The following OSBPL11 variants were observed in gnomAD, a reference collection of about 807,000 sequenced individuals.
OSBPL11 encodes the protein oxysterol-binding protein-related protein 11.
Under a neutral mutation model 84.4 loss-of-function variants are expected in OSBPL11, and 33 were observed. The ratio of observed to expected loss-of-function variants is 0.39; its 90% CI spans 0.30 to 0.52. The LOEUF (loss-of-function observed/expected upper bound fraction) is 0.52. Ranked by LOEUF, OSBPL11 falls within the 20% of genes least tolerant of loss-of-function variation. The pLI, the probability that OSBPL11 is intolerant of heterozygous loss-of-function variation, is 0.72. For synonymous variants in OSBPL11, 276 were observed against 310.2 expected (o/e 0.89, Z 1.16); for missense variants, 736 against 901.1 (o/e 0.82, Z 2.35).
chr3:125,589,342 C>CAAAAAAAAAAAAA (rs35267505), intron 1 of OSBPL11, among the ~76,000 whole-genome samples: 1 of 62,030 alleles, frequency 1.6e-5, no homozygotes, highest in Non-Finnish European at 3.4e-5. Flanking sequence ...AACTCCATCT[C>CAAAAAAAAAAAAA]AAAAAAAAAA....
chr3:125,546,424 A>T (rs1935816845), intron 10 of OSBPL11, among the ~76,000 whole-genome samples: 1 of 151,724 alleles, frequency 6.6e-6, no homozygotes, highest in African/African-American at 2.4e-5. Context: ...ACCTCTGCCT[A>T]CTGGGTTCAA....
At chr3:125,543,307 T>C (rs1455570034) in intron 10 of OSBPL11, among the ~76,000 whole-genome samples, 2 of 151,846 alleles carry the variant, frequency 1.3e-5, no homozygotes, top group African/African-American at 4.8e-5. Context: ...AATGTTTGTA[T>C]TTTTAGTAAA....
At chr3:125,573,465 T>C (rs1169956950) in intron 5 of OSBPL11, among the ~76,000 whole-genome samples, 2 of 152,286 alleles carry the variant, frequency 1.3e-5, no homozygotes, top group Non-Finnish European at 2.9e-5. Flanking sequence ...AACTGATAAG[T>C]AGTACTAATA....
intron 10 of OSBPL11, among the ~76,000 whole-genome samples, chr3:125,543,485 T>C (rs1481525907): frequency 6.6e-6 from 1 of 152,168 alleles, no homozygotes; most frequent in African/African-American, 2.4e-5. Context: ...TTGTTTTAAG[T>C]AAATTTTTAA....
intron 8 of OSBPL11, among the ~76,000 whole-genome samples, chr3:125,556,858 A>G (rs1935997493): frequency 6.6e-6 from 1 of 152,230 alleles, no homozygotes; most frequent in Non-Finnish European, 1.5e-5. Context: ...AGGACTATAA[A>G]TTAGAGGGGA....
chr3:125,558,093 C>CACAT (rs1198846812), intron 8 of OSBPL11, among the ~76,000 whole-genome samples: 1 of 152,202 alleles, frequency 6.6e-6, no homozygotes, highest in African/African-American at 2.4e-5. Flanking sequence ...CACACCCAGC[C>CACAT]ACATACAACT....
chr3:125,558,187 A>G (rs1047648195), intron 8 of OSBPL11, among the ~76,000 whole-genome samples: 1 of 152,254 alleles, frequency 6.6e-6, no homozygotes, highest in African/African-American at 2.4e-5. Flanking sequence ...CATGTGGATT[A>G]CTATCACAGC....
Position 125,538,499 on chromosome 3 carries a change from G to C in OSBPL11, c.1976C>G (p.Thr659Arg). The C allele has an allele frequency of 1.2e-6, 2 of 1,613,984 alleles. No individual in the cohort carries two copies. Among genetic ancestry groups the C allele is most frequent in the Non-Finnish European group, 1.7e-6 (2 of 1,179,978 alleles). The stretch of plus-strand genomic sequence containing the variant: ...CTCCAGAGGTCTCACTCTTTTCTTC[G>C]TCACTGCCAATTTAGTCAAGTCCAC... ...KYVDLTKLAVTKKRVRPLEKQ... is the reference protein window; with the variant it reads ...KYVDLTKLAVRKKRVRPLEKQ... The change falls in exon 11 of 13, where the codon ACG (threonine) becomes AGG (arginine). Residue 659 changes from threonine (T) to arginine (R), a missense_variant. Around this residue, in one of 3 missense-constraint regions of OSBPL11, gnomAD observed 579 missense variants for 717.6 expected, o/e 0.81. Coordinates refer to ENST00000296220, the MANE Select transcript of OSBPL11 (RefSeq NM_022776.5).
intron 10 of OSBPL11, among the ~76,000 whole-genome samples, chr3:125,546,167 G>T (rs1252172152): frequency 2.1e-4 from 29 of 135,066 alleles, no homozygotes; most frequent in South Asian, 9.2e-4. Flanking sequence ...CGTTTTTTTT[G>T]TGTGTGTGTG....
chr3:125,538,306 A>T, intron 11 of OSBPL11, 145 bp downstream of exon 11: 2 of 655,914 alleles, frequency 3.0e-6, no homozygotes, highest in Non-Finnish European at 5.1e-6. Flanking sequence ...CAAGGGGTTT[A>T]ACAACAGATC....
chr3:125,535,202 T>TTA (rs1159393734), intron 11 of OSBPL11, among the ~76,000 whole-genome samples: 1 of 151,698 alleles, frequency 6.6e-6, no homozygotes, highest in African/African-American at 2.4e-5. Context: ...AATAAGGTAA[T>TTA]ATTAGGAACT....
intron 5 of OSBPL11, among the ~76,000 whole-genome samples, chr3:125,572,014 C>G (rs1408724163): frequency 1.3e-5 from 2 of 152,252 alleles, no homozygotes; most frequent in Non-Finnish European, 2.9e-5. Context: ...CCCGTGAAAG[C>G]AGCCAGGAGG....
chr3:125,560,983 A>G (rs1347382436), intron 7 of OSBPL11, among the ~76,000 whole-genome samples: 1 of 151,164 alleles, frequency 6.6e-6, no homozygotes, highest in Non-Finnish European at 1.5e-5. Context: ...ACAGGTGCCC[A>G]CCACCATGCC....
At chr3:125,573,983 C>T (rs955481943) in intron 5 of OSBPL11, among the ~76,000 whole-genome samples, 1 of 151,734 alleles carries the variant, frequency 6.6e-6, no homozygotes, top group Non-Finnish European at 1.5e-5. Context: ...CAAACTCACA[C>T]CAATTTATAT....
intron 8 of OSBPL11, among the ~76,000 whole-genome samples, chr3:125,557,230 G>C (rs1936004646): frequency 6.6e-6 from 1 of 152,182 alleles, no homozygotes; most frequent in Non-Finnish European, 1.5e-5. Flanking sequence ...ATGAAGGCTA[G>C]GACCATGGTT....
At chr3:125,553,248 G>A (rs1198900150) in intron 8 of OSBPL11, among the ~76,000 whole-genome samples, 1 of 152,186 alleles carries the variant, frequency 6.6e-6, no homozygotes, top group East Asian at 1.9e-4. Flanking sequence ...CCAGGGAAAT[G>A]GTGTTAAAAC....
intron 5 of OSBPL11, among the ~76,000 whole-genome samples, chr3:125,569,650 T>C (rs544328572): frequency 5.9e-5 from 9 of 152,318 alleles, no homozygotes; most frequent in African/African-American, 2.2e-4. Context: ...CCAAGAGATA[T>C]ATACATGCAT....
chr3:125,565,930 T>C lies in OSBPL11; in HGVS notation c.868+1464A>G, dbSNP rs190120718. 3.9e-4 allele frequency among the ~76,000 whole-genome samples: 60 copies of C among 152,274 alleles called. 1 individual carries two copies. The highest frequency in any genetic ancestry group is 2.0e-4 in the Admixed American group (3 of 15,284). ...TCAGTCTTTGCAGCTTCTCTGTGCC[T>C]TTCTCAGAACTCTTTCTACCAGTCA... On this transcript the variant is annotated intron_variant, in intron 6 of 12. Transcript: ENST00000296220.
chr3:125,582,792 C>T (rs1936448551), intron 2 of OSBPL11, 118 bp downstream of exon 2: 2 of 768,714 alleles, frequency 2.6e-6, no homozygotes, highest in East Asian at 6.0e-5. Flanking sequence ...TGTGGGAAAT[C>T]CTTCTCTAAA....
Sources: allele counts gnomAD v4.1 joint callset (sites outside exome capture counted in the v4.1 genomes callset), GRCh38; gene constraint gnomAD v4.1.1; regional missense constraint gnomAD v4.1.1; transcripts MANE v1.5; gene names NCBI Gene and HGNC (gene_info 2026-07-23, HGNC 2026-07-21).